CDYL2: variants seen among roughly 807,000 people sequenced by gnomAD.
CDYL2 encodes chromodomain Y-like protein 2.
CDYL2 carries 23 observed loss-of-function variants against 49.4 expected under a neutral mutation model. The ratio of observed to expected loss-of-function variants is 0.47; its 90% CI spans 0.34 to 0.66. The LOEUF (loss-of-function observed/expected upper bound fraction) is 0.66. Among genes scored for constraint, CDYL2 ranks in the 30% least tolerant of loss-of-function variants. The pLI is 0.01. For synonymous variants in CDYL2, 360 were observed against 268.8 expected (o/e 1.34, Z -3.32); for missense variants, 678 against 656.4 (o/e 1.03, Z -0.36).
At chr16:80,708,907 G>T (rs1904495629) in intron 1 of CDYL2, among the ~76,000 whole-genome samples, 1 of 152,016 alleles carries the variant, frequency 6.6e-6, no homozygotes, top group African/African-American at 2.4e-5. Flanking sequence ...AATATTTAAA[G>T]ATATAAAAAA....
chr16:80,626,482 G>C (rs186524208), intron 3 of CDYL2, among the ~76,000 whole-genome samples: 3 of 152,158 alleles, frequency 2.0e-5, no homozygotes, highest in Non-Finnish European at 4.4e-5. Context: ...TTCGGAAGTG[G>C]TGGAGGTAGT....
At chr16:80,614,313 G>A (rs928481853) in intron 4 of CDYL2, among the ~76,000 whole-genome samples, 1 of 152,162 alleles carries the variant, frequency 6.6e-6, no homozygotes, top group African/African-American at 2.4e-5. Context: ...AACAGGATGT[G>A]AGCAAAAACC....
At chr16:80,711,764 A>C (rs1460286311) in intron 1 of CDYL2, among the ~76,000 whole-genome samples, 1 of 152,138 alleles carries the variant, frequency 6.6e-6, no homozygotes, top group Non-Finnish European at 1.5e-5. Flanking sequence ...GTAAATCTGA[A>C]GCATAGTGTT....
intron 2 of CDYL2, among the ~76,000 whole-genome samples, chr16:80,640,364 C>T (rs1387764606): frequency 6.6e-6 from 1 of 152,088 alleles, no homozygotes; most frequent in East Asian, 1.9e-4. Flanking sequence ...GGGAAGGATC[C>T]CATCTTGGAA....
At chr16:80,720,178 G>T (rs138037143) in intron 1 of CDYL2, among the ~76,000 whole-genome samples, 1 of 152,218 alleles carries the variant, frequency 6.6e-6, no homozygotes, top group East Asian at 1.9e-4. Flanking sequence ...GATCCAGGAG[G>T]GGAACACTTG....
intron 2 of CDYL2, among the ~76,000 whole-genome samples, chr16:80,680,480 G>C (rs1036826680): frequency 6.6e-6 from 1 of 152,180 alleles, no homozygotes; most frequent in Non-Finnish European, 1.5e-5. Context: ...AAAGGCTCGT[G>C]TGAATCCATA....
intron 1 of CDYL2, among the ~76,000 whole-genome samples, chr16:80,798,214 T>TA (rs780526063): frequency 5.9e-5 from 9 of 152,236 alleles, no homozygotes; most frequent in Non-Finnish European, 1.0e-4. Flanking sequence ...TAATTTTCTG[T>TA]ATTCTTTTAG....
chr16:80,673,972 G>A lies in CDYL2; in HGVS notation c.616+10566C>T, dbSNP rs538776888. ...GGAGAACGTGCAGCCTCTGGAAGCT[G>A]GAAAAGGCAAGGAAATGGATTCTCC... On this transcript the variant is annotated intron_variant, in intron 2 of 6. Transcript: ENST00000570137. Among the ~76,000 whole-genome samples, 7 of 152,300 alleles carry A rather than the reference G, an allele frequency of 4.6e-5. No individual in the cohort carries two copies. In the South Asian group the frequency reaches 1.5e-3, roughly 32 times the overall value.
At chr16:80,706,927 C>T (rs905248131) in intron 1 of CDYL2, among the ~76,000 whole-genome samples, 4 of 152,168 alleles carry the variant, frequency 2.6e-5, no homozygotes, top group African/African-American at 9.7e-5. Flanking sequence ...CACCTACAGA[C>T]TTGTCTGCCT....
rs892876017 is a variant in CDYL2 at position 80,709,185 on chromosome 16, C to A, written c.25-24056G>T. 2.0e-5 allele frequency among the ~76,000 whole-genome samples: 3 copies of A among 152,190 alleles called. No individual in the cohort carries two copies. The South Asian group carries it at 6.2e-4, about 32-fold the overall frequency. On this transcript the variant is annotated intron_variant, in intron 1 of 6. Transcript: ENST00000570137. ...GATCACGAAGTCAACAGATCAAGAC[C>A]ACCCTGGCCAACATGGCGAAACCCC...
rs546525044 is a variant in CDYL2, at chr16:80,753,533, G to C, written c.24+50617C>G. ...TGAGGCAGGAGAATCACTTGAACTG[G>C]GGAGGTGAAGGTTGTGATGAGCCAA... On this transcript the variant is annotated intron_variant, in intron 1 of 6. Transcript: ENST00000570137. Among the ~76,000 whole-genome samples, 171 of 152,188 alleles carry C rather than the reference G, an allele frequency of 1.1e-3. 1 individual carries two copies. The highest frequency in any genetic ancestry group is 3.7e-3 in the African/African-American group (154 of 41,528).
intron 1 of CDYL2, among the ~76,000 whole-genome samples, chr16:80,707,204 G>C (rs1292521996): frequency 1.3e-5 from 2 of 152,146 alleles, no homozygotes; most frequent in Admixed American, 6.5e-5. Context: ...GGCTTACACT[G>C]GTAATCTCAG....
chr16:80,668,876 G>C (rs372621163), intron 2 of CDYL2, among the ~76,000 whole-genome samples: 1 of 151,874 alleles, frequency 6.6e-6, no homozygotes, highest in East Asian at 1.9e-4. Context: ...TCCAACCTGG[G>C]CGACAGAGTC....
intron 2 of CDYL2, among the ~76,000 whole-genome samples, chr16:80,636,256 C>T (rs954783508): frequency 5.9e-5 from 9 of 152,034 alleles, no homozygotes; most frequent in East Asian, 1.9e-4. Context: ...GAAACTATCA[C>T]GAGAGTGAAC....
At chr16:80,681,779 T>C (rs918219423) in intron 2 of CDYL2, among the ~76,000 whole-genome samples, 5 of 152,166 alleles carry the variant, frequency 3.3e-5, no homozygotes, top group African/African-American at 9.7e-5. Context: ...CTTCTCAGCA[T>C]GGGGCCAGAG....
At position 80,699,890 on chromosome 16, in the gene CDYL2, C is replaced by T. The variant is rs548068229; in HGVS notation, c.25-14761G>A. Among the ~76,000 whole-genome samples the T allele has an allele frequency of 5.5e-5, 8 of 144,958 alleles. No individual in the cohort carries two copies. In the South Asian group the frequency reaches 1.1e-3, roughly 20 times the overall value. ...ACAATTTTTTTTTTTTTTTTTGAGACGGAGTCTCGCTCTGTCGCCCAGGCC... is the reference window on the plus strand; with the variant it reads ...ACAATTTTTTTTTTTTTTTTTGAGATGGAGTCTCGCTCTGTCGCCCAGGCC... On this transcript the variant is annotated intron_variant, in intron 1 of 6. Transcript: ENST00000570137.
intron 2 of CDYL2, among the ~76,000 whole-genome samples, chr16:80,675,580 G>A (rs1909711227): frequency 6.6e-6 from 1 of 152,124 alleles, no homozygotes; most frequent in Non-Finnish European, 1.5e-5. Flanking sequence ...GGAAGGCCCT[G>A]GGATCCACCT....
chr16:80,796,915 C>G (rs1907784170), intron 1 of CDYL2, among the ~76,000 whole-genome samples: 1 of 152,150 alleles, frequency 6.6e-6, no homozygotes, highest in African/African-American at 2.4e-5. Flanking sequence ...CAATGACTCA[C>G]TGGTTATTAA....
intron 2 of CDYL2, among the ~76,000 whole-genome samples, chr16:80,644,879 G>C (rs1235121548): frequency 6.6e-6 from 1 of 152,100 alleles, no homozygotes; most frequent in Non-Finnish European, 1.5e-5. Flanking sequence ...ACAAAAACAA[G>C]AAATGGGGAA....
Sources: gnomAD v4.1 joint callset for allele counts (sites outside exome capture counted in the v4.1 genomes callset) on GRCh38, gnomAD v4.1.1 for gene constraint, MANE v1.5 for transcripts, NCBI Gene and HGNC (gene_info 2026-07-23, HGNC 2026-07-21) for gene names.